Variants in TUBA4B observed in about 807,000 individuals in gnomAD.
The protein encoded by TUBA4B is tubulin-like protein alpha-4B.
Under a neutral mutation model 18.4 loss-of-function variants are expected in TUBA4B, and 13 were observed. The observed-to-expected ratio is 0.71, with a 90% CI of 0.46 to 1.12. TUBA4B has a LOEUF of 1.12. Ranked by LOEUF, TUBA4B falls within the 50% of genes most tolerant of loss-of-function variation. TUBA4B has a pLI of 0.00. For missense variants in TUBA4B, 244 were observed against 250.0 expected (o/e 0.98, Z 0.16); for synonymous variants, 101 against 99.1 (o/e 1.02, Z -0.11).
chr2:219,258,575 C>A (rs1288240463), intron 1 of TUBA4B, among the ~76,000 whole-genome samples: 1 of 152,040 alleles, frequency 6.6e-6, no homozygotes, highest in Non-Finnish European at 1.5e-5. Context: ...AGTGATCTGC[C>A]TGCCTCAGCC....
At chr2:219,259,168 A>T (rs553095642) in intron 1 of TUBA4B, among the ~76,000 whole-genome samples, 24 of 121,550 alleles carry the variant, frequency 2.0e-4, no homozygotes, top group African/African-American at 6.6e-4. Flanking sequence ...ATAAATAAAT[A>T]AATTATCCGG....
intron 2 of TUBA4B, among the ~76,000 whole-genome samples, chr2:219,268,524 A>C (rs1351876551): frequency 2.6e-5 from 4 of 152,160 alleles, no homozygotes; most frequent in Admixed American, 2.0e-4. Flanking sequence ...GCATTCTTTC[A>C]TTTAATTCTC....
chr2:219,269,821 GT>G (rs1449122954), intron 2 of TUBA4B, among the ~76,000 whole-genome samples: 5 of 152,102 alleles, frequency 3.3e-5, no homozygotes, highest in African/African-American at 1.2e-4. Context: ...CCCAGGCGGT[GT>G]TTGTGGATCT....
chr2:219,264,079 T>C (rs1951774848), intron 1 of TUBA4B, among the ~76,000 whole-genome samples: 1 of 152,240 alleles, frequency 6.6e-6, no homozygotes, highest in Non-Finnish European at 1.5e-5. Flanking sequence ...AAATGGCGGA[T>C]AGTACTGAAC....
chr2:219,263,784 C>A (rs1398767034), intron 1 of TUBA4B, among the ~76,000 whole-genome samples: 1 of 152,218 alleles, frequency 6.6e-6, no homozygotes, highest in Non-Finnish European at 1.5e-5. Context: ...AACCTTCAGT[C>A]TGTAGCCAAA....
chr2:219,262,265 C>A (rs144412410), intron 1 of TUBA4B, among the ~76,000 whole-genome samples: 1 of 152,176 alleles, frequency 6.6e-6, no homozygotes, highest in African/African-American at 2.4e-5. Context: ...GAGCTGAGAT[C>A]GTGCCACTGC....
intron 1 of TUBA4B, among the ~76,000 whole-genome samples, chr2:219,257,983 GTTTTTTTTTT>G (rs1025891775): frequency 1.1e-5 from 1 of 94,174 alleles, no homozygotes; most frequent in African/African-American, 4.5e-5. Context: ...CATTTTGGGT[GTTTTTTTTTT>G]TTTTTTTTTT....
At chr2:219,263,720 G>C (rs990126507) in intron 1 of TUBA4B, among the ~76,000 whole-genome samples, 1 of 152,192 alleles carries the variant, frequency 6.6e-6, no homozygotes, top group Admixed American at 6.5e-5. Context: ...TATGTTAAGT[G>C]GCTGGGTCTC....
At chr2:219,270,581 C>A (rs1280452353) in intron 3 of TUBA4B, among the ~76,000 whole-genome samples, 2 of 151,930 alleles carry the variant, frequency 1.3e-5, no homozygotes, top group African/African-American at 4.8e-5. Context: ...TTAAGGCAAA[C>A]ATGTTGATGG....
chr2:219,269,965 T>C (rs1013909749), intron 2 of TUBA4B, among the ~76,000 whole-genome samples: 51 of 152,144 alleles, frequency 3.4e-4, no homozygotes, highest in Admixed American at 3.3e-4. Context: ...GAACTCCACA[T>C]GTACAGAATC....
At position 219,272,134 on chromosome 2, in the gene TUBA4B, G is replaced by T; in HGVS notation, c.*435G>T. The T allele has an allele frequency of 4.5e-6, 3 of 670,100 alleles. No homozygotes were observed. The highest frequency in any genetic ancestry group is 4.5e-5 in the Admixed American group (2 of 44,706). The allele number at this position is 670,100 out of a possible 1,614,324, so 41.5% of individuals were successfully genotyped here. A position where few individuals can be genotyped will look rare whatever the true frequency, so the allele number is the denominator to read the frequency against. ...GAGTGGGGGGAAGAAAAGATAGGGGGGATGAATACTAGGGGAATACTGTGT... is the reference window on the plus strand; with the variant it reads ...GAGTGGGGGGAAGAAAAGATAGGGGTGATGAATACTAGGGGAATACTGTGT... On this transcript the variant is annotated 3_prime_UTR_variant, in exon 4 of 4. Coordinates refer to ENST00000490341, the MANE Select transcript of TUBA4B (RefSeq NM_001355221.1).
chr2:219,268,871 A>C (rs547561551), intron 2 of TUBA4B, among the ~76,000 whole-genome samples: 1 of 152,282 alleles, frequency 6.6e-6, no homozygotes, highest in Admixed American at 6.5e-5. Context: ...CAAGGCAGGT[A>C]GACTGCTTGA....
intron 1 of TUBA4B, among the ~76,000 whole-genome samples, chr2:219,264,254 G>A (rs559193785): frequency 1.3e-5 from 2 of 152,324 alleles, no homozygotes; most frequent in East Asian, 3.9e-4. Flanking sequence ...GAGGTCAGGA[G>A]TTCGAGACCA....
At chr2:219,259,172 T>TA (rs1559279752) in intron 1 of TUBA4B, among the ~76,000 whole-genome samples, 1 of 145,496 alleles carries the variant, frequency 6.9e-6, no homozygotes, top group African/African-American at 2.5e-5. Flanking sequence ...ATAAATAAAT[T>TA]ATCCGGGCAT....
At chr2:219,269,690 T>TC (rs1329474061) in intron 2 of TUBA4B, among the ~76,000 whole-genome samples, 1 of 152,120 alleles carries the variant, frequency 6.6e-6, no homozygotes, top group African/African-American at 2.4e-5. Context: ...TGCTGGGAGC[T>TC]CTACTGCCTG....
intron 1 of TUBA4B, among the ~76,000 whole-genome samples, chr2:219,261,022 CCT>C (rs142648658): frequency 1.5e-4 from 22 of 148,604 alleles, no homozygotes; most frequent in South Asian, 2.1e-4. Context: ...GGATCACTTT[CCT>C]CTCTCTCTCT....
intron 1 of TUBA4B, among the ~76,000 whole-genome samples, chr2:219,263,375 C>T (rs543467205): frequency 2.0e-5 from 3 of 152,218 alleles, no homozygotes; most frequent in East Asian, 1.9e-4. Flanking sequence ...TGCCTGTAGT[C>T]CTAGGTACTC....
chr2:219,271,889 A>T lies in TUBA4B; in HGVS notation c.*190A>T. On this transcript the variant is annotated 3_prime_UTR_variant, in exon 4 of 4. Coordinates refer to ENST00000490341, the MANE Select transcript of TUBA4B (RefSeq NM_001355221.1). Reference sequence around the variant, plus strand: ...CCTCCCACTGTGGTGCCTGGGAGTGACCTGGTAAAGTGCAACGTGCCATGT... The same window carrying T: ...CCTCCCACTGTGGTGCCTGGGAGTGTCCTGGTAAAGTGCAACGTGCCATGT... The T allele has an allele frequency of 6.9e-7, 1 of 1,457,458 alleles. No homozygotes were observed. The highest frequency in any genetic ancestry group is 1.1e-5 in the South Asian group (1 of 87,816). 90.3% of individuals were successfully genotyped at this position (1,457,458 alleles called of 1,614,324 possible).
intron 1 of TUBA4B, among the ~76,000 whole-genome samples, chr2:219,261,516 G>A (rs1559280264): frequency 1.3e-5 from 2 of 152,168 alleles, no homozygotes; most frequent in Non-Finnish European, 2.9e-5. Context: ...CAAGTGCAAG[G>A]GTGAATACTC....
Sources: gnomAD v4.1 joint callset for allele counts (sites outside exome capture counted in the v4.1 genomes callset) on GRCh38, gnomAD v4.1.1 for gene constraint, MANE v1.5 for transcripts, NCBI Gene and HGNC (gene_info 2026-07-23, HGNC 2026-07-21) for gene names.